Variants in PRRX1 observed in about 807,000 individuals in gnomAD.
PRRX1 encodes the protein paired mesoderm homeobox protein 1.
Under a neutral mutation model 24.0 loss-of-function variants are expected in PRRX1, and 8 were observed. The observed-to-expected ratio is 0.33, with a 90% CI of 0.20 to 0.60. The LOEUF is 0.60. Ranked by LOEUF, PRRX1 falls within the 20% of genes least tolerant of loss-of-function variation. The pLI is 0.82. For synonymous variants in PRRX1, 160 were observed against 131.7 expected, an observed-to-expected ratio of 1.22 and a Z score of -1.47; for missense variants, 281 against 322.4, an observed-to-expected ratio of 0.87 and a Z score of 0.98.
At chr1:170,667,459 T>A (rs902012740) in intron 1 of PRRX1, 5 of 152,054 alleles carry the variant, frequency 3.3e-5, no homozygotes, top group African/African-American at 1.2e-4. Flanking sequence ...GCCTGACGAG[T>A]CTTATGGTAG....
At chr1:170,713,138 G>T (rs572705080) in intron 1 of PRRX1, among the ~76,000 whole-genome samples, 17 of 152,258 alleles carry the variant, frequency 1.1e-4, no homozygotes, top group Non-Finnish European at 2.1e-4. Context: ...ATTATTATTA[G>T]TAGTAGTATT....
chr1:170,697,839 G>GATATACAAATATGTATATCTATATATAC (rs1654224944), intron 1 of PRRX1, among the ~76,000 whole-genome samples: 1 of 145,032 alleles, frequency 6.9e-6, no homozygotes, highest in South Asian at 2.2e-4. Context: ...TAAATATATA[G>GATATACAAATATGTATATCTATATATAC]ATATACAAAT....
At chr1:170,692,227 TTG>T (rs1654012078) in intron 1 of PRRX1, among the ~76,000 whole-genome samples, 1 of 152,080 alleles carries the variant, frequency 6.6e-6, no homozygotes, top group African/African-American at 2.4e-5. Context: ...TTAATAACAA[TTG>T]TCCAGGATCA....
At chr1:170,695,837 CT>C (rs568812013) in intron 1 of PRRX1, among the ~76,000 whole-genome samples, 727 of 38,810 alleles carry the variant, frequency 0.019, 1 homozygote, top group African/African-American at 0.025. Context: ...CCTGGGTATG[CT>C]TTTTTTCCCC....
In PRRX1 at chr1:170,736,263, T is replaced by C. The variant is rs1655599100; in HGVS notation, c.*77T>C. 5 of 1,568,090 alleles carry C rather than the reference T, an allele frequency of 3.2e-6. No homozygotes were observed. In the Admixed American group the frequency reaches 5.2e-5, roughly 16 times the overall value. On this transcript the variant is annotated 3_prime_UTR_variant, in exon 4 of 4. Transcript: ENST00000239461. ...CCTATCCTGCTCTGTTATTTCTTCATCTGCTGGGGGGAAAAAGTAAATTAC... is the reference window on the plus strand; with the variant it reads ...CCTATCCTGCTCTGTTATTTCTTCACCTGCTGGGGGGAAAAAGTAAATTAC...
intron 1 of PRRX1, chr1:170,667,728 G>A (rs1238234149): frequency 6.6e-6 from 1 of 152,166 alleles, no homozygotes; most frequent in Non-Finnish European, 1.5e-5. Context: ...GTCTACTCGA[G>A]TGGGAAACGA....
At chr1:170,688,747 G>A (rs930994114) in intron 1 of PRRX1, among the ~76,000 whole-genome samples, 1 of 152,038 alleles carries the variant, frequency 6.6e-6, no homozygotes, top group Admixed American at 6.6e-5. Flanking sequence ...CCATTTAATT[G>A]TGACACTTGA....
At chr1:170,714,850 TC>T (rs1654857923) in intron 1 of PRRX1, among the ~76,000 whole-genome samples, 1 of 152,198 alleles carries the variant, frequency 6.6e-6, no homozygotes, top group Admixed American at 6.5e-5. Flanking sequence ...GCTATTGTTC[TC>T]TTTAACTCAT....
intron 1 of PRRX1, among the ~76,000 whole-genome samples, chr1:170,698,845 G>A (rs1654259285): frequency 6.6e-6 from 1 of 152,100 alleles, no homozygotes; most frequent in Non-Finnish European, 1.5e-5. Flanking sequence ...GTCCTGAGAG[G>A]GGAGGAGGGT....
At chr1:170,702,430 T>G (rs972479313) in intron 1 of PRRX1, among the ~76,000 whole-genome samples, 23 of 152,186 alleles carry the variant, frequency 1.5e-4, no homozygotes, top group African/African-American at 5.5e-4. Flanking sequence ...TACTCTCTAC[T>G]TGGAAGAACT....
At chr1:170,682,351 C>CGCCACTGCA (rs1183614768) in intron 1 of PRRX1, among the ~76,000 whole-genome samples, 4 of 150,120 alleles carry the variant, frequency 2.7e-5, no homozygotes, top group Admixed American at 1.3e-4. Context: ...CTTAAGAATG[C>CGCCACTGCA]CAGTAAGGTT....
Position 170,735,651 on chromosome 1 carries a change from C to G in PRRX1, c.600-397C>G, listed in dbSNP as rs1319483890. On this transcript the variant is annotated intron_variant, in intron 3 of 3. Transcript: ENST00000239461. ...TTATTTTCAAATGCTTGTTTCTATT[C>G]CCCACTGCTCCCACAGGCTGGGGAG... Among the ~76,000 whole-genome samples the G allele has an allele frequency of 2.6e-5, 4 of 152,128 alleles. No homozygotes were observed. In the East Asian group the frequency reaches 7.7e-4, roughly 29 times the overall value.
rs77970814 is a variant in PRRX1 at position 170,695,357 on chromosome 1, C to T, written c.242-24369C>T. 1.3e-3 allele frequency among the ~76,000 whole-genome samples: 202 copies of T among 152,244 alleles called. 5 individuals carry two copies. In the East Asian group the frequency reaches 0.022, roughly 16 times the overall value. On this transcript the variant is annotated intron_variant, in intron 1 of 3. Coordinates refer to ENST00000239461, the MANE Select transcript of PRRX1 (RefSeq NM_022716.4). The stretch of plus-strand genomic sequence containing the variant: ...GCATTATGGTTGTAGACACTCTAAA[C>T]GAGATGCTATTTTAATACTACATAC...
At chr1:170,714,963 T>A (rs1433390866) in intron 1 of PRRX1, among the ~76,000 whole-genome samples, 1 of 152,154 alleles carries the variant, frequency 6.6e-6, no homozygotes, top group Non-Finnish European at 1.5e-5. Context: ...GAAACACCCA[T>A]CTCTTTTAGT....
chr1:170,667,116 C>T (rs1489742082), intron 1 of PRRX1, among the ~76,000 whole-genome samples: 2 of 152,090 alleles, frequency 1.3e-5, no homozygotes, highest in Non-Finnish European at 2.9e-5. Context: ...CTCAGAGTTA[C>T]AATGACTAGA....
chr1:170,697,975 A>G (rs1654229519), intron 1 of PRRX1, among the ~76,000 whole-genome samples: 1 of 151,698 alleles, frequency 6.6e-6, no homozygotes, highest in Non-Finnish European at 1.5e-5. Context: ...CCTCCCCATC[A>G]TCATCATCTT....
intron 1 of PRRX1, among the ~76,000 whole-genome samples, chr1:170,717,521 T>C (rs59188802): frequency 0.22 from 32,726 of 152,130 alleles, 4,404 homozygotes; most frequent in Middle Eastern, 0.35. Flanking sequence ...ATTGGCTTAA[T>C]AGGGGATTTT....
At chr1:170,685,144 T>A (rs1419996934) in intron 1 of PRRX1, among the ~76,000 whole-genome samples, 1 of 152,216 alleles carries the variant, frequency 6.6e-6, no homozygotes, top group Non-Finnish European at 1.5e-5. Context: ...GACCAAGGCT[T>A]ATTTGAGGTT....
At chr1:170,698,365 T>A (rs1015912538) in intron 1 of PRRX1, among the ~76,000 whole-genome samples, 2 of 152,140 alleles carry the variant, frequency 1.3e-5, no homozygotes, top group Non-Finnish European at 2.9e-5. Flanking sequence ...AAACACTTTT[T>A]AAAAAAATTA....
Sources: gnomAD v4.1 joint callset for allele counts (sites outside exome capture counted in the v4.1 genomes callset) on GRCh38, gnomAD v4.1.1 for gene constraint, MANE v1.5 for transcripts, NCBI Gene and HGNC (gene_info 2026-07-23, HGNC 2026-07-21) for gene names.